COL25A1: variants seen among roughly 807,000 people sequenced by gnomAD.
The protein encoded by COL25A1 is collagen type XXV alpha 1 chain, also known as collagen alpha-1(XXV) chain.
In COL25A1, 103 loss-of-function variants were observed where a neutral mutation model predicts 128.4. The observed-to-expected ratio is 0.80, with a 90% confidence interval of 0.68 to 0.94. The LOEUF (loss-of-function observed/expected upper bound fraction) is 0.94. Among genes scored for constraint, COL25A1 ranks in the 40% least tolerant of loss-of-function variants. The probability of loss-of-function intolerance (pLI) is 0.00; values close to 1 mark genes in which losing one functional copy is unlikely to be tolerated. For missense variants in COL25A1, 745 were observed against 840.0 expected (o/e 0.89, Z 1.40); for synonymous variants, 279 against 277.2 (o/e 1.01, Z -0.06).
chr4:109,094,565 A>G (rs1378652330), intron 3 of COL25A1, among the ~76,000 whole-genome samples: 1 of 152,226 alleles, frequency 6.6e-6, no homozygotes, highest in Admixed American at 6.5e-5. Flanking sequence ...TTGTAACTAC[A>G]ACTTTCTTTC....
chr4:108,833,239 G>A (rs1488298632), intron 31 of COL25A1, among the ~76,000 whole-genome samples: 1 of 152,174 alleles, frequency 6.6e-6, no homozygotes, highest in Non-Finnish European at 1.5e-5. Flanking sequence ...AGCTCTGTTG[G>A]GGGCAGCAGG....
chr4:109,111,043 T>C (rs942981594), intron 3 of COL25A1, among the ~76,000 whole-genome samples: 1 of 152,198 alleles, frequency 6.6e-6, no homozygotes, highest in African/African-American at 2.4e-5. Flanking sequence ...CAAAACCCCG[T>C]GTGGCACATG....
chr4:109,246,628 T>C (rs1273536184), intron 3 of COL25A1, among the ~76,000 whole-genome samples: 1 of 152,166 alleles, frequency 6.6e-6, no homozygotes, highest in Admixed American at 6.5e-5. Flanking sequence ...ATAAATATTT[T>C]AGAATTAAAT....
rs1051969404 is a variant in COL25A1, at chr4:109,036,249, T to A, written c.420+11919A>T. Among the ~76,000 whole-genome samples, 8 of 123,394 alleles carry A rather than the reference T, an allele frequency of 6.5e-5. 1 individual carries two copies. Among genetic ancestry groups the A allele is most frequent in the African/African-American group, 2.7e-4 (8 of 29,504 alleles). 81.0% of individuals were successfully genotyped at this position (123,394 alleles called of 152,430 possible). On this transcript the variant is annotated intron_variant, in intron 5 of 37. Coordinates refer to ENST00000399132, the MANE Select transcript of COL25A1 (RefSeq NM_198721.4). ...GCCCAAACTAAAGATTTAAAAAGGA[T>A]TTTTTTTTCCCCTCTAAACAAGGGA...
At chr4:109,069,028 T>C (rs899559386) in intron 3 of COL25A1, among the ~76,000 whole-genome samples, 1 of 152,122 alleles carries the variant, frequency 6.6e-6, no homozygotes, top group Non-Finnish European at 1.5e-5. Flanking sequence ...TGACACATAT[T>C]AAGCCCTCAA....
intron 8 of COL25A1, among the ~76,000 whole-genome samples, chr4:108,967,308 T>C (rs1346320194): frequency 6.6e-6 from 1 of 152,228 alleles, no homozygotes; most frequent in African/African-American, 2.4e-5. Context: ...CATTTCACAT[T>C]AATGTTGATG....
At chr4:109,023,408 A>T (rs184553666) in intron 5 of COL25A1, among the ~76,000 whole-genome samples, 80 of 152,382 alleles carry the variant, frequency 5.2e-4, no homozygotes, top group Admixed American at 8.5e-4. Flanking sequence ...ATGTGAACAC[A>T]TCCAAAGGCT....
chr4:108,816,051 G>A (rs188974920), intron 37 of COL25A1, among the ~76,000 whole-genome samples: 2 of 152,218 alleles, frequency 1.3e-5, no homozygotes, highest in East Asian at 1.9e-4. Flanking sequence ...TTCTGTGAAC[G>A]GGGGTTATGA....
At chr4:109,270,689 G>A (rs1454418441) in intron 3 of COL25A1, among the ~76,000 whole-genome samples, 1 of 152,092 alleles carries the variant, frequency 6.6e-6, no homozygotes, top group African/African-American at 2.4e-5. Context: ...GACACTAACA[G>A]TATATGGAAC....
At chr4:109,152,289 A>T (rs1034652850) in intron 3 of COL25A1, among the ~76,000 whole-genome samples, 1 of 152,184 alleles carries the variant, frequency 6.6e-6, no homozygotes, top group African/African-American at 2.4e-5. Flanking sequence ...GAGTTCAAAA[A>T]TTATACTTGA....
At chr4:108,871,017 C>A (rs895035744) in intron 19 of COL25A1, among the ~76,000 whole-genome samples, 1 of 152,122 alleles carries the variant, frequency 6.6e-6, no homozygotes, top group Non-Finnish European at 1.5e-5. Context: ...ATTTCTTATA[C>A]AGGTTAGTGT....
At chr4:109,091,904 G>T (rs1406886682) in intron 3 of COL25A1, among the ~76,000 whole-genome samples, 1 of 152,126 alleles carries the variant, frequency 6.6e-6, no homozygotes, top group African/African-American at 2.4e-5. Context: ...ATTGAGATGT[G>T]AGCCAGCGCT....
At chr4:109,214,178 A>G (rs1777804213) in intron 3 of COL25A1, among the ~76,000 whole-genome samples, 1 of 152,106 alleles carries the variant, frequency 6.6e-6, no homozygotes, top group Non-Finnish European at 1.5e-5. Context: ...CTGTGTCCTC[A>G]GCCTCATAAA....
At chr4:108,962,432 G>C (rs1024046324) in intron 8 of COL25A1, among the ~76,000 whole-genome samples, 1 of 152,008 alleles carries the variant, frequency 6.6e-6, no homozygotes, top group African/African-American at 2.4e-5. Context: ...ACCCGCCTCG[G>C]CCTCCCAAAA....
At chr4:108,962,705 A>G (rs1750863157) in intron 8 of COL25A1, among the ~76,000 whole-genome samples, 1 of 149,396 alleles carries the variant, frequency 6.7e-6, no homozygotes, top group Non-Finnish European at 1.5e-5. Context: ...GTGGAACTGT[A>G]AAACCAACAG....
chr4:108,983,007 G>A (rs1753163206), intron 6 of COL25A1, among the ~76,000 whole-genome samples: 1 of 152,166 alleles, frequency 6.6e-6, no homozygotes, highest in Admixed American at 6.5e-5. Flanking sequence ...TGGAGTTAAA[G>A]GCTTATAAAA....
chr4:109,294,530 G>A (rs1341270192), intron 3 of COL25A1, among the ~76,000 whole-genome samples: 1 of 151,950 alleles, frequency 6.6e-6, no homozygotes, highest in African/African-American at 2.4e-5. Flanking sequence ...CACAAACCAG[G>A]GAAAAGGTGC....
At chr4:108,846,905 AT>A (rs36023184) in intron 27 of COL25A1, among the ~76,000 whole-genome samples, 8,092 of 131,704 alleles carry the variant, frequency 0.061, 203 homozygotes, top group East Asian at 0.093. Context: ...GAATTTTGTA[AT>A]TTTTTTTTTT....
At chr4:109,173,953 C>T (rs1177888907) in intron 3 of COL25A1, among the ~76,000 whole-genome samples, 1 of 152,040 alleles carries the variant, frequency 6.6e-6, no homozygotes, top group African/African-American at 2.4e-5. Flanking sequence ...CATGGCAGCA[C>T]TCAAAACATT....
Sources: allele counts gnomAD v4.1 joint callset (sites outside exome capture counted in the v4.1 genomes callset), GRCh38; gene constraint gnomAD v4.1.1; transcripts MANE v1.5; gene names NCBI Gene and HGNC (gene_info 2026-07-23, HGNC 2026-07-21).